CPB1: variants seen among roughly 807,000 people sequenced by gnomAD.
CPB1 encodes the protein carboxypeptidase B1, also known as carboxypeptidase B.
Under a neutral mutation model 51.4 loss-of-function variants are expected in CPB1, and 53 were observed. The ratio of observed to expected loss-of-function variants is 1.03; its 90% CI spans 0.83 to 1.30. The LOEUF (loss-of-function observed/expected upper bound fraction) is 1.30. CPB1 is among the 50% of genes most tolerant of loss of function. CPB1 has a pLI of 0.00. For missense variants in CPB1, 494 were observed against 516.2 expected (o/e 0.96, Z 0.42); for synonymous variants, 189 against 186.9 (o/e 1.01, Z -0.09).
intron 6 of CPB1, among the ~76,000 whole-genome samples, chr3:148,843,972 G>A (rs560843677): frequency 7.2e-5 from 11 of 152,242 alleles, no homozygotes; most frequent in African/African-American, 2.6e-4. Flanking sequence ...TCATTACCTT[G>A]TTATATTGGA....
At position 148,844,433 on chromosome 3, in the gene CPB1, T is replaced by C. The variant is rs562230201; in HGVS notation, c.577-45T>C. 7.9e-4 allele frequency: 1,129 copies of C among 1,435,250 alleles called. 17 individuals are homozygous for C. The South Asian group carries it at 0.012, about 15-fold the overall frequency. 88.9% of individuals were successfully genotyped at this position (1,435,250 alleles called of 1,614,324 possible). The stretch of plus-strand genomic sequence containing the variant: ...GTCTTTGTAAATTTTAACAGCATCA[T>C]AATTCCATTTTTCCATGAAATTCCT... On this transcript the variant is annotated intron_variant, in intron 6 of 10. Transcript: ENST00000282957.
intron 8 of CPB1, among the ~76,000 whole-genome samples, chr3:148,845,016 C>T (rs1713192064): frequency 6.6e-6 from 1 of 152,004 alleles, no homozygotes; most frequent in East Asian, 1.9e-4. Flanking sequence ...AATCCTACTA[C>T]TCATGGAATG....
At chr3:148,831,559 C>T (rs1248775337) in intron 2 of CPB1, among the ~76,000 whole-genome samples, 1 of 152,056 alleles carries the variant, frequency 6.6e-6, no homozygotes, top group African/African-American at 2.4e-5. Context: ...GGTTGGCATG[C>T]TACTTTATCT....
chr3:148,833,931 G>A (rs1712815748), intron 2 of CPB1, among the ~76,000 whole-genome samples: 1 of 150,642 alleles, frequency 6.6e-6, no homozygotes, highest in East Asian at 2.0e-4. Flanking sequence ...GGATCCCCAA[G>A]AGCAATTTGT....
chr3:148,829,990 T>G (rs927142837), intron 2 of CPB1, among the ~76,000 whole-genome samples: 2 of 152,174 alleles, frequency 1.3e-5, no homozygotes, highest in African/African-American at 4.8e-5. Flanking sequence ...AAGATCAAGA[T>G]TCAACATTCT....
intron 3 of CPB1, 55 bp from the exon 4 acceptor site, chr3:148,840,631 C>A: frequency 2.7e-6 from 4 of 1,480,162 alleles, no homozygotes; most frequent in South Asian, 1.1e-5. Flanking sequence ...TATGTGTGTT[C>A]ACTGGAGAAA....
chr3:148,846,406 A>C (rs980347986), intron 9 of CPB1, among the ~76,000 whole-genome samples: 1 of 152,098 alleles, frequency 6.6e-6, no homozygotes, highest in African/African-American at 2.4e-5. Context: ...CCAATAAACT[A>C]AAAGAGCAAA....
chr3:148,858,504 G>A (rs999154066), intron 10 of CPB1, among the ~76,000 whole-genome samples: 20 of 151,998 alleles, frequency 1.3e-4, no homozygotes, highest in African/African-American at 3.1e-4. Flanking sequence ...CCTGGGAGGC[G>A]GAGGTTGCAG....
intron 9 of CPB1, chr3:148,851,436 T>A (rs1713430283): frequency 6.6e-6 from 1 of 150,914 alleles, no homozygotes; most frequent in Non-Finnish European, 1.5e-5. Flanking sequence ...ACCTATTAAG[T>A]GTTCATTATA....
intron 8 of CPB1, 96 bp from the exon 9 acceptor site, chr3:148,845,328 C>G: frequency 1.0e-6 from 1 of 991,356 alleles, no homozygotes; most frequent in Non-Finnish European, 1.6e-6. Context: ...TTGATAAGGA[C>G]TCCTATGAAA....
chr3:148,836,561 CAGAT>C lies in CPB1; in HGVS notation c.272+1943_272+1946del, dbSNP rs138766485. Among the ~76,000 whole-genome samples the C allele has an allele frequency of 5.1e-3, 783 of 152,258 alleles. 4 individuals carry two copies. Among genetic ancestry groups the C allele is most frequent in the Non-Finnish European group, 8.9e-3 (602 of 68,008 alleles). On this transcript the variant is annotated intron_variant, in intron 3 of 10. Transcript: ENST00000282957. ...TAGAATTTCAATCTCTATTTATAAT[CAGAT>C]AGAAAGTTCACTTTCTTTTTTAGTG...
At chr3:148,829,026 TTG>T (rs1220270876) in intron 2 of CPB1, among the ~76,000 whole-genome samples, 1 of 152,222 alleles carries the variant, frequency 6.6e-6, no homozygotes, top group African/African-American at 2.4e-5. Context: ...CAGGAATAGT[TTG>T]TATACTACTT....
At chr3:148,833,979 T>A (rs1330826768) in intron 2 of CPB1, among the ~76,000 whole-genome samples, 1 of 152,188 alleles carries the variant, frequency 6.6e-6, no homozygotes, top group Non-Finnish European at 1.5e-5. Context: ...TGTGAAAAGA[T>A]GCCATTTTTC....
At chr3:148,856,245 T>C (rs1713564347) in intron 9 of CPB1, 1 of 152,232 alleles carries the variant, frequency 6.6e-6, no homozygotes, top group African/African-American at 2.4e-5. Flanking sequence ...ATCATTTCAG[T>C]GGACCAGAAC....
At chr3:148,847,388 A>AT (rs1216057061) in intron 9 of CPB1, among the ~76,000 whole-genome samples, 1 of 150,322 alleles carries the variant, frequency 6.7e-6, no homozygotes, top group Non-Finnish European at 1.5e-5. Flanking sequence ...AAAAAAAAAA[A>AT]AAAAAAAAGA....
chr3:148,839,452 C>T (rs1713008276), intron 3 of CPB1, among the ~76,000 whole-genome samples: 1 of 152,344 alleles, frequency 6.6e-6, no homozygotes, highest in Middle Eastern at 3.4e-3. Flanking sequence ...ACTCACAAAG[C>T]ATTGGCAGCT....
intron 9 of CPB1, among the ~76,000 whole-genome samples, chr3:148,846,206 A>G (rs2108017268): frequency 6.6e-6 from 1 of 152,312 alleles, no homozygotes; most frequent in East Asian, 1.9e-4. Context: ...AAGAAATGTA[A>G]GAATCTCTGA....
At chr3:148,841,350 C>T (rs563625138) in intron 5 of CPB1, among the ~76,000 whole-genome samples, 1 of 152,250 alleles carries the variant, frequency 6.6e-6, no homozygotes, top group South Asian at 2.1e-4. Flanking sequence ...AGCACATCAA[C>T]AATTTGTTTC....
intron 9 of CPB1, among the ~76,000 whole-genome samples, chr3:148,849,109 T>TC (rs536502451): frequency 0.38 from 439 of 1,170 alleles, 215 homozygotes; most frequent in Admixed American, 0.56. Context: ...CACTGCAAGC[T>TC]CGCTTCCCGG....
Sources: allele counts gnomAD v4.1 joint callset (sites outside exome capture counted in the v4.1 genomes callset), GRCh38; gene constraint gnomAD v4.1.1; transcripts MANE v1.5; gene names NCBI Gene and HGNC (gene_info 2026-07-23, HGNC 2026-07-21).